Variants in ZNF106 observed in about 807,000 individuals in gnomAD.
ZNF106 encodes SH3-domain binding protein 3.
Under a neutral mutation model 195.1 loss-of-function variants are expected in ZNF106, and 67 were observed. The ratio of observed to expected loss-of-function variants is 0.34; its 90% CI spans 0.28 to 0.42. ZNF106 has a LOEUF of 0.42. ZNF106 is among the 10% of genes least tolerant of loss of function. The pLI, the probability that ZNF106 is intolerant of heterozygous loss-of-function variation, is 1.00. For synonymous variants in ZNF106, 784 were observed against 818.6 expected (o/e 0.96, Z 0.72); for missense variants, 2,118 against 2,304.5 (o/e 0.92, Z 1.66).
intron 3 of ZNF106, 122 bp downstream of exon 3, chr15:42,465,931 T>A: frequency 1.4e-6 from 1 of 709,050 alleles, no homozygotes; most frequent in Non-Finnish European, 2.2e-6. Flanking sequence ...TTCTAAAAGG[T>A]TGTTCTACGC....
At chr15:42,457,600 G>T (rs2056272735) in intron 3 of ZNF106, 4 of 960,566 alleles carry the variant, frequency 4.2e-6, no homozygotes, top group Non-Finnish European at 5.0e-6. Context: ...AAAGTTAAGG[G>T]GTGGAAACAA....
At chr15:42,487,104 C>A (rs772904292) in intron 1 of ZNF106, among the ~76,000 whole-genome samples, 4 of 151,820 alleles carry the variant, frequency 2.6e-5, no homozygotes, top group Non-Finnish European at 5.9e-5. Flanking sequence ...GAGCAGAGAT[C>A]GTGCCATCGC....
chr15:42,487,105 G>T (rs370718834), intron 1 of ZNF106, among the ~76,000 whole-genome samples: 2 of 152,110 alleles, frequency 1.3e-5, no homozygotes, highest in African/African-American at 4.8e-5. Flanking sequence ...AGCAGAGATC[G>T]TGCCATCGCA....
At chr15:42,480,144 AAAG>A (rs1210849810) in intron 1 of ZNF106, among the ~76,000 whole-genome samples, 1 of 152,218 alleles carries the variant, frequency 6.6e-6, no homozygotes, top group Admixed American at 6.5e-5. Context: ...GTTATCACTG[AAAG>A]AAGAATGTTC....
In ZNF106 at chr15:42,450,596, C is replaced by T. The variant is rs375076127; in HGVS notation, c.1676G>A (p.Arg559Gln). The change falls in exon 5 of 22, where the codon CGA becomes CAA. Residue 559 changes from arginine to glutamine, a missense_variant. By Grantham distance (43) the Arg-to-Gln change is conservative (BLOSUM62 1). Coordinates refer to ENST00000564754, the MANE Select transcript of ZNF106 (RefSeq NM_001366845.3). Reference protein sequence around the residue: ...QSGDNLNDTLRKAKEVLQCHE... With the variant: ...QSGDNLNDTLQKAKEVLQCHE... ...ACACTGTAGCACCTCTTTGGCCTTT[C>T]GTAAAGTATCATTTAAATTATCACC... 1.4e-5 allele frequency: 23 copies of T among 1,614,018 alleles called. No individual in the cohort carries two copies. The highest frequency in any genetic ancestry group is 4.0e-5 in the African/African-American group (3 of 74,906).
rs778696132 is a variant in ZNF106, at chr15:42,450,369, T to G, written c.1903A>C (p.Thr635Pro). 6.2e-7 allele frequency: 1 copy of G among 1,614,220 alleles called. No homozygotes were observed. Among genetic ancestry groups the G allele is most frequent in the East Asian group, 2.2e-5 (1 of 44,884 alleles). ...TKIGTLGSATTELLSGSTRTA... is the reference protein window; with the variant it reads ...TKIGTLGSATPELLSGSTRTA... ...CGAGTGCTGCCAGATAACAATTCTG[T>G]AGTTGCAGAACCTAGGGTTCCAATT... Residue 635 changes from threonine (T) to proline (P), a missense_variant, in exon 5 of 22, where the codon ACA (threonine) becomes CCA (proline). Thr to Pro is a conservative substitution (Grantham distance 38). Coordinates refer to ENST00000564754, the MANE Select transcript of ZNF106 (RefSeq NM_001366845.3).
intron 17 of ZNF106, among the ~76,000 whole-genome samples, chr15:42,423,418 C>G (rs1252155328): frequency 3.3e-5 from 5 of 151,790 alleles, no homozygotes; most frequent in Admixed American, 6.6e-5. Context: ...ACTTGGTCAC[C>G]CAGGGTGGAG....
In ZNF106 at chr15:42,462,122, G is replaced by A. The variant is rs548983473; in HGVS notation, c.116+3931C>T. Reference sequence around the variant, plus strand: ...CCTGACATTCCCATTGGCAGCTCAGGGAGGCTTTTAGTGCCTTTTTCCTAA... The same window carrying A: ...CCTGACATTCCCATTGGCAGCTCAGAGAGGCTTTTAGTGCCTTTTTCCTAA... On this transcript the variant is annotated intron_variant, in intron 3 of 21. Coordinates refer to ENST00000564754, the MANE Select transcript of ZNF106 (RefSeq NM_001366845.3). Among the ~76,000 whole-genome samples the A allele has an allele frequency of 2.0e-5, 3 of 152,240 alleles. No individual in the cohort carries two copies. In the East Asian group the frequency reaches 5.8e-4, roughly 29 times the overall value.
chr15:42,455,402 G>A (rs892525885), intron 4 of ZNF106, among the ~76,000 whole-genome samples: 5 of 152,116 alleles, frequency 3.3e-5, no homozygotes, highest in Non-Finnish European at 5.9e-5. Flanking sequence ...ATGAAATGAG[G>A]TGTGGAATTT....
At chr15:42,458,115 T>C (rs1177726659) in intron 3 of ZNF106, among the ~76,000 whole-genome samples, 1 of 152,126 alleles carries the variant, frequency 6.6e-6, no homozygotes, top group African/African-American at 2.4e-5. Flanking sequence ...GCAGTATCCA[T>C]TCAACAATCC....
chr15:42,439,148 T>G lies in ZNF106; in HGVS notation c.4429A>C (p.Lys1477Gln), dbSNP rs1251611716. ...TGCTCTGTAGAGTTCCAAATATCCTTTTTAGATGGGCTGTCTGGTTTCTCT... is the reference window on the plus strand; with the variant it reads ...TGCTCTGTAGAGTTCCAAATATCCTGTTTAGATGGGCTGTCTGGTTTCTCT... ...GEEKPDSPSK[K>Q]DIWNSTEQNP... Residue 1477 changes from lysine (K) to glutamine (Q), a missense_variant, in exon 11 of 22, where the codon AAG (lysine) becomes CAG (glutamine). Lys to Gln is a moderately conservative substitution (Grantham distance 53). Transcript: ENST00000564754. 6.2e-7 allele frequency: 1 copy of G among 1,614,144 alleles called. No homozygotes were observed. Among genetic ancestry groups the G allele is most frequent in the Non-Finnish European group, 8.5e-7 (1 of 1,180,028 alleles).
chr15:42,436,175 A>C (rs1006437230), intron 13 of ZNF106, among the ~76,000 whole-genome samples: 1 of 151,896 alleles, frequency 6.6e-6, no homozygotes, highest in Non-Finnish European at 1.5e-5. Context: ...GGATGGTCTC[A>C]ATCTCCTGAC....
intron 10 of ZNF106, among the ~76,000 whole-genome samples, chr15:42,441,173 TAA>T (rs752991984): frequency 1.6e-4 from 18 of 114,714 alleles, no homozygotes; most frequent in East Asian, 4.9e-4. Flanking sequence ...CATCTCTACT[TAA>T]AAAAAAAAAA....
chr15:42,418,024 G>C, intron 20 of ZNF106, 73 bp from the exon 21 acceptor site: 1 of 1,463,464 alleles, frequency 6.8e-7, no homozygotes, highest in Middle Eastern at 1.8e-4. Context: ...GCCCCCAGCT[G>C]GATCCCATAA....
Position 42,439,054 on chromosome 15 carries a change from T to G in ZNF106, c.4523A>C (p.Tyr1508Ser). Residue 1508 changes from tyrosine to serine, a missense_variant, in exon 11 of 22, where the codon TAT (tyrosine) becomes TCT (serine). Tyr to Ser is a moderately radical substitution (Grantham distance 144). Transcript: ENST00000564754. Reference sequence around the variant, plus strand: ...TTACCTTACAGGGATGCCATCTTTATAGCGAGTGCCAATTTCACTGGTAGA... The same window carrying G: ...TTACCTTACAGGGATGCCATCTTTAGAGCGAGTGCCAATTTCACTGGTAGA... ...VSSTSEIGTRYKDGIPVSVAE... is the reference protein window; with the variant it reads ...VSSTSEIGTRSKDGIPVSVAE... 1 of 1,613,664 alleles carries G rather than the reference T, an allele frequency of 6.2e-7. No homozygotes were observed. Among genetic ancestry groups the G allele is most frequent in the Non-Finnish European group, 8.5e-7 (1 of 1,179,786 alleles).
chr15:42,459,574 C>G (rs562291512), intron 3 of ZNF106, among the ~76,000 whole-genome samples: 1 of 152,182 alleles, frequency 6.6e-6, no homozygotes, highest in African/African-American at 2.4e-5. Context: ...TTGATGGTAG[C>G]TCATTCCAAC....
At chr15:42,481,357 G>GTTTT (rs751618549) in intron 1 of ZNF106, among the ~76,000 whole-genome samples, 8 of 109,164 alleles carry the variant, frequency 7.3e-5, no homozygotes, top group Admixed American at 1.0e-4. Context: ...TTTTTTTGTT[G>GTTTT]TTTTTTTTTT....
chr15:42,486,589 A>G (rs2057021325), intron 1 of ZNF106, among the ~76,000 whole-genome samples: 1 of 152,080 alleles, frequency 6.6e-6, no homozygotes, highest in Non-Finnish European at 1.5e-5. Context: ...TATAGCTCAC[A>G]TTTATTTCAA....
intron 7 of ZNF106, among the ~76,000 whole-genome samples, 161 bp from the exon 8 acceptor site, chr15:42,445,142 CA>C: frequency 6.6e-6 from 1 of 152,300 alleles, no homozygotes; most frequent in South Asian, 2.1e-4. Context: ...ACAATGATAT[CA>C]AAGCTAGGAA....
Sources: allele counts gnomAD v4.1 joint callset (sites outside exome capture counted in the v4.1 genomes callset), GRCh38; gene constraint gnomAD v4.1.1; transcripts MANE v1.5; gene names NCBI Gene and HGNC (gene_info 2026-07-23, HGNC 2026-07-21).